LTBP2: variants seen among roughly 807,000 people sequenced by gnomAD.
LTBP2 encodes the protein latent transforming growth factor beta binding protein 2.
A neutral mutation model predicts 210.6 loss-of-function variants in LTBP2; 103 were observed. The ratio of observed to expected loss-of-function variants is 0.49; its 90% CI spans 0.42 to 0.58. The LOEUF (loss-of-function observed/expected upper bound fraction) is 0.58, where lower values mean the gene tolerates loss of function less well. Ranked by LOEUF, LTBP2 falls within the 20% of genes least tolerant of loss-of-function variation. LTBP2 has a pLI of 0.00. For missense variants in LTBP2, 2,313 were observed against 2,494.5 expected, an observed-to-expected ratio of 0.93 and a Z score of 1.55; for synonymous variants, 1,007 against 1,015.0, an observed-to-expected ratio of 0.99 and a Z score of 0.15.
intron 30 of LTBP2, 84 bp from the exon 31 acceptor site, chr14:74,504,138 G>A (rs1052201312): frequency 2.6e-6 from 4 of 1,553,212 alleles, no homozygotes; most frequent in East Asian, 2.3e-5. Context: ...GCCAGGCTGG[G>A]TTTGAATCCC....
In LTBP2 at chr14:74,500,192, T is replaced by C. The variant is rs547341326; in HGVS notation, c.*692A>G. ...CATCAACTCCACGTATTTTTCATCA[T>C]GTCCTCTTGCTGCTTTCTCAGGCTC... On this transcript the variant is annotated 3_prime_UTR_variant, in exon 36 of 36. Transcript: ENST00000261978. 1 of 234,710 alleles carries C rather than the reference T, an allele frequency of 4.3e-6. No homozygotes were observed. Among genetic ancestry groups the C allele is most frequent in the South Asian group, 1.8e-4 (1 of 5,616 alleles). The allele number at this position is 234,710 out of a possible 1,614,324, so 14.5% of individuals were successfully genotyped here. A position where few individuals can be genotyped will look rare whatever the true frequency, so the allele number is the denominator to read the frequency against.
intron 30 of LTBP2, 116 bp downstream of exon 30, chr14:74,504,662 T>G (rs578091668): frequency 2.7e-5 from 26 of 958,104 alleles, no homozygotes; most frequent in Middle Eastern, 6.1e-4. Context: ...ACAGAAAAGG[T>G]GGAGGCAACC....
At position 74,596,812 on chromosome 14, in the gene LTBP2, G is replaced by A. The variant is rs1419190175; in HGVS notation, c.565+6823C>T. On this transcript the variant is annotated intron_variant, in intron 2 of 35. Transcript: ENST00000261978. ...GTCGATGGGGGTGCCAGTTAACAGAGTGAGTAAGACCTGCACGGGGGAGTT... is the reference window on the plus strand; with the variant it reads ...GTCGATGGGGGTGCCAGTTAACAGAATGAGTAAGACCTGCACGGGGGAGTT... 2.4e-4 allele frequency among the ~76,000 whole-genome samples: 36 copies of A among 152,228 alleles called. 1 individual carries two copies. Among genetic ancestry groups the A allele is most frequent in the Admixed American group, 2.4e-3 (36 of 15,288 alleles).
At position 74,508,835 on chromosome 14, in the gene LTBP2, C is replaced by T. The variant is rs2087027963; in HGVS notation, c.3521G>A (p.Cys1174Tyr). 1.2e-6 allele frequency: 2 copies of T among 1,613,784 alleles called. No homozygotes were observed. The highest frequency in any genetic ancestry group is 1.7e-6 in the Non-Finnish European group (2 of 1,179,954). Residue 1174 changes from cysteine (C) to tyrosine (Y), a missense_variant, in exon 23 of 36, where the codon TGT (cysteine) becomes TAT (tyrosine). By Grantham distance (194) the Cys-to-Tyr change is radical (BLOSUM62 -2). This residue lies in a region of LTBP2 where 1,867 missense variants were observed against 1,976.9 expected (regional missense o/e 0.94). Transcript: ENST00000261978. ...GGGTGACCTGGGTCACTCACCCTCA[C>T]ACACGGTGCCATTGGCCAGCTGGAA... is the stretch of plus-strand genomic sequence containing the variant. ...QGFQLANGTV[C>Y]EDVNECMGEE...
At chr14:74,536,062 G>T (rs2087417911) in intron 8 of LTBP2, 62 bp from the exon 9 acceptor site, 1 of 1,447,034 alleles carries the variant, frequency 6.9e-7, no homozygotes, top group Non-Finnish European at 9.7e-7. Flanking sequence ...TGTCACCCAT[G>T]CTGGGAAGCG....
chr14:74,536,056 AC>A (rs2087417818), intron 8 of LTBP2, 56 bp from the exon 9 acceptor site: 11 of 1,499,530 alleles, frequency 7.3e-6, no homozygotes, highest in Non-Finnish European at 1.0e-5. Context: ...CTCCTCTGTC[AC>A]CCATGCTGGG....
At chr14:74,544,819 AC>A (rs1003135106) in intron 8 of LTBP2, among the ~76,000 whole-genome samples, 26 of 152,240 alleles carry the variant, frequency 1.7e-4, no homozygotes, top group African/African-American at 6.0e-4. Context: ...TTTAGGCACA[AC>A]CCATTTTATT....
At chr14:74,506,874 TGTGTGCGC>T (rs752844463) in intron 26 of LTBP2, 51 bp from the exon 27 acceptor site, 24 of 1,207,750 alleles carry the variant, frequency 2.0e-5, no homozygotes, top group South Asian at 1.7e-4. Context: ...TGTGTGTGTG[TGTGTGCGC>T]GCGCGCGTGT....
Position 74,540,857 on chromosome 14 carries a change from T to TTTATATATATTA in LTBP2, c.1790-4858_1790-4857insTAATATATATAA, listed in dbSNP as rs2087494281. ...TATATATTTATATATATTATATATATTATATATATTTATATATATAATATA... is the reference window on the plus strand; with the variant it reads ...TATATATTTATATATATTATATATATTTATATATATTATATATATATTTATATATATAATATA... On this transcript the variant is annotated intron_variant, in intron 8 of 35. Transcript: ENST00000261978. Among the ~76,000 whole-genome samples, 2 of 73,726 alleles carry TTTATATATATTA rather than the reference T, an allele frequency of 2.7e-5. 1 individual carries two copies. Among genetic ancestry groups the TTTATATATATTA allele is most frequent in the Non-Finnish European group, 5.8e-5 (2 of 34,616 alleles). The allele number at this position is 73,726 out of a possible 152,430, so 48.4% of individuals were successfully genotyped here. A position where few individuals can be genotyped will look rare whatever the true frequency, so the allele number is the denominator to read the frequency against.
chr14:74,559,046 C>T (rs2139756601), intron 3 of LTBP2, among the ~76,000 whole-genome samples: 1 of 152,208 alleles, frequency 6.6e-6, no homozygotes, highest in East Asian at 1.9e-4. Flanking sequence ...TTCACAAATA[C>T]AAGTAAATGG....
chr14:74,501,656 G>C (rs1385817499), intron 34 of LTBP2, 66 bp from the exon 35 acceptor site: 1 of 1,602,630 alleles, frequency 6.2e-7, no homozygotes, highest in Non-Finnish European at 8.5e-7. Context: ...CTAATGCTGG[G>C]ACCCTCGCCC....
At position 74,540,866 on chromosome 14, in the gene LTBP2, T is replaced by TA. The variant is rs1274126059; in HGVS notation, c.1790-4867_1790-4866insT. Among the ~76,000 whole-genome samples, 49 of 78,028 alleles carry TA rather than the reference T, an allele frequency of 6.3e-4. 1 individual carries two copies. The highest frequency in any genetic ancestry group is 2.5e-3 in the South Asian group (7 of 2,788). 51.2% of individuals were successfully genotyped at this position (78,028 alleles called of 152,430 possible). A position where few individuals can be genotyped will look rare whatever the true frequency, so the allele number is the denominator to read the frequency against. ...ATATATATTATATATATTATATATA[T>TA]TTATATATATAATATATATATTATA... On this transcript the variant is annotated intron_variant, in intron 8 of 35. Coordinates refer to ENST00000261978, the MANE Select transcript of LTBP2 (RefSeq NM_000428.3).
At chr14:74,566,070 G>A (rs1053627681) in intron 3 of LTBP2, among the ~76,000 whole-genome samples, 18 of 148,086 alleles carry the variant, frequency 1.2e-4, no homozygotes, top group Admixed American at 6.1e-4. Flanking sequence ...CTATAGCTGG[G>A]TTTTTTTTTT....
In LTBP2 at chr14:74,502,738, G is replaced by A. The variant is rs779326988; in HGVS notation, c.5085C>T (p.Ala1695=). The A allele has an allele frequency of 4.3e-6, 7 of 1,614,200 alleles. No homozygotes were observed. Among genetic ancestry groups the A allele is most frequent in the South Asian group, 3.3e-5 (3 of 91,084 alleles). Residue 1695 remains alanine (A), a synonymous_variant, in exon 34 of 36, where the codon GCC becomes GCT. Coordinates refer to ENST00000261978, the MANE Select transcript of LTBP2 (RefSeq NM_000428.3). ...TGGGTGTGCGGTCCGCTGAGTGACCGGCTGTGTTGGGGAAGGCAGGCTCAG... is the reference window on the plus strand; with the variant it reads ...TGGGTGTGCGGTCCGCTGAGTGACCAGCTGTGTTGGGGAAGGCAGGCTCAG... The part of the protein sequence containing the change: ...TVPEPAFPNT[A]GHSADRTPIL...
chr14:74,587,916 C>T (rs1595294817), intron 2 of LTBP2, among the ~76,000 whole-genome samples: 1 of 152,232 alleles, frequency 6.6e-6, no homozygotes, highest in East Asian at 1.9e-4. Flanking sequence ...CCCTCCTGGT[C>T]TCATCCCCTC....
At chr14:74,514,972 A>C (rs1177681201) in intron 18 of LTBP2, among the ~76,000 whole-genome samples, 1 of 152,168 alleles carries the variant, frequency 6.6e-6, no homozygotes, top group Non-Finnish European at 1.5e-5. Context: ...GTGTGTGTCT[A>C]GAACCTTTCC....
chr14:74,511,204 G>A, intron 19 of LTBP2, 41 bp downstream of exon 19: 1 of 1,612,854 alleles, frequency 6.2e-7, no homozygotes, highest in East Asian at 2.2e-5. Context: ...GAGGTCCCAA[G>A]GCCGAATGGC....
chr14:74,576,813 A>G (rs1021890775), intron 3 of LTBP2, among the ~76,000 whole-genome samples: 1 of 152,128 alleles, frequency 6.6e-6, no homozygotes, highest in Non-Finnish European at 1.5e-5. Flanking sequence ...TGGCTTCTGT[A>G]CATATACCAG....
chr14:74,560,905 A>G (rs1331759060), intron 3 of LTBP2, among the ~76,000 whole-genome samples: 1 of 152,248 alleles, frequency 6.6e-6, no homozygotes, highest in Non-Finnish European at 1.5e-5. Flanking sequence ...GTCATTTTAT[A>G]TCAGAGACTT....
Sources: gnomAD v4.1 joint callset for allele counts (sites outside exome capture counted in the v4.1 genomes callset) on GRCh38, gnomAD v4.1.1 for gene constraint, gnomAD v4.1.1 regional missense constraint, MANE v1.5 for transcripts, NCBI Gene and HGNC (gene_info 2026-07-23, HGNC 2026-07-21) for gene names.